The following SDHD variants were observed in gnomAD, a reference collection of about 807,000 sequenced individuals.
The protein encoded by SDHD is succinate dehydrogenase complex subunit D.
SDHD carries 6 observed loss-of-function variants against 18.7 expected under a neutral mutation model. That is an observed-to-expected ratio of 0.32 (90% CI 0.18 to 0.63). The LOEUF is 0.63. SDHD is among the 30% of genes least tolerant of loss of function. The pLI is 0.79. For missense variants in SDHD, 160 were observed against 192.7 expected, an observed-to-expected ratio of 0.83 and a Z score of 1.00; for synonymous variants, 56 against 73.9, an observed-to-expected ratio of 0.76 and a Z score of 1.24.
At chr11:112,089,937 G>A (rs1293319799) in intron 3 of SDHD, among the ~76,000 whole-genome samples, 2 of 149,108 alleles carry the variant, frequency 1.3e-5, no homozygotes, top group East Asian at 3.9e-4. Context: ...GTTTATTCTT[G>A]CCTCTTAAAA....
At chr11:112,089,296 A>G (rs1865702101) in intron 3 of SDHD, among the ~76,000 whole-genome samples, 1 of 152,146 alleles carries the variant, frequency 6.6e-6, no homozygotes, top group South Asian at 2.1e-4. Flanking sequence ...ATCTGAATTA[A>G]TGGCATTTCC....
chr11:112,087,161 T>C (rs1332315072), intron 1 of SDHD, among the ~76,000 whole-genome samples: 11 of 152,210 alleles, frequency 7.2e-5, no homozygotes, highest in Admixed American at 7.2e-4. Context: ...GTTGAGGGAA[T>C]AATCAGAAAG....
chr11:112,091,736 T>C (rs1332389465), intron 3 of SDHD, among the ~76,000 whole-genome samples: 2 of 152,212 alleles, frequency 1.3e-5, no homozygotes, highest in Non-Finnish European at 2.9e-5. Flanking sequence ...CTTTTTGTTC[T>C]TACCCCACTT....
intron 3 of SDHD, 168 bp downstream of exon 3, chr11:112,089,179 A>T: frequency 3.0e-6 from 2 of 671,252 alleles, no homozygotes; most frequent in Non-Finnish European, 2.5e-6. Flanking sequence ...CTGCCTGCCT[A>T]TTCAATGTCT....
intron 2 of SDHD, chr11:112,088,405 G>T: frequency 3.0e-6 from 1 of 334,824 alleles, no homozygotes; most frequent in Non-Finnish European, 5.8e-6. Flanking sequence ...CACCGTGTTG[G>T]CCGGGCTGGT....
In SDHD at chr11:112,095,131, A is replaced by G; in HGVS notation, c.*161A>G. The G allele has an allele frequency of 4.3e-6, 3 of 691,386 alleles. No individual in the cohort carries two copies. The highest frequency in any genetic ancestry group is 7.7e-6 in the Non-Finnish European group (3 of 390,446). 42.8% of individuals were successfully genotyped at this position (691,386 alleles called of 1,614,324 possible). A position where few individuals can be genotyped will look rare whatever the true frequency, so the allele number is the denominator to read the frequency against. ...TATTTTCAGAATTTAATCTTTGAGGAAAAGGTTTGAGAGGAATTATATCTA... is the reference window on the plus strand; with the variant it reads ...TATTTTCAGAATTTAATCTTTGAGGGAAAGGTTTGAGAGGAATTATATCTA... On this transcript the variant is annotated 3_prime_UTR_variant, in exon 4 of 4. Coordinates refer to ENST00000375549, the MANE Select transcript of SDHD (RefSeq NM_003002.4).
intron 3 of SDHD, among the ~76,000 whole-genome samples, chr11:112,093,893 A>G (rs1229021512): frequency 6.6e-6 from 1 of 152,156 alleles, no homozygotes; most frequent in Non-Finnish European, 1.5e-5. Context: ...ATTCACTAGT[A>G]TATTCCATAA....
chr11:112,089,107 C>T (rs1865697160), intron 3 of SDHD, 96 bp downstream of exon 3: 1 of 1,382,744 alleles, frequency 7.2e-7, no homozygotes, highest in Middle Eastern at 1.8e-4. Context: ...GATTGAAATG[C>T]CCTAAATTTG....
chr11:112,088,826 G>T, intron 2 of SDHD, 41 bp from the exon 3 acceptor site: 1 of 1,611,218 alleles, frequency 6.2e-7, no homozygotes, highest in South Asian at 1.1e-5. Flanking sequence ...AAAGATGTGT[G>T]TTTCTCACAT....
intron 3 of SDHD, among the ~76,000 whole-genome samples, 199 bp from the exon 4 acceptor site, chr11:112,094,606 C>A (rs544059739): frequency 2.6e-5 from 4 of 152,034 alleles, no homozygotes; most frequent in Admixed American, 2.0e-4. Context: ...AGAAAAGTCA[C>A]TAGAAATAGA....
chr11:112,092,410 C>T (rs1053333342), intron 3 of SDHD, among the ~76,000 whole-genome samples: 1 of 152,166 alleles, frequency 6.6e-6, no homozygotes, highest in African/African-American at 2.4e-5. Context: ...GCTCTGTCCC[C>T]CACCCACTCT....
At chr11:112,092,366 G>A (rs941122509) in intron 3 of SDHD, among the ~76,000 whole-genome samples, 2 of 152,018 alleles carry the variant, frequency 1.3e-5, no homozygotes, top group African/African-American at 4.8e-5. Context: ...AGGCTACTTC[G>A]GTTGCCTTCT....
chr11:112,088,593 C>T (rs1865674908), intron 2 of SDHD: 2 of 497,528 alleles, frequency 4.0e-6, no homozygotes, highest in Admixed American at 3.2e-5. Context: ...TACAGCAATT[C>T]TGTTTTTTAT....
At chr11:112,093,207 C>G (rs978340919) in intron 3 of SDHD, 1 of 331,982 alleles carries the variant, frequency 3.0e-6, no homozygotes. Flanking sequence ...GCTGGCATTA[C>G]AGGCATGTGC....
chr11:112,094,449 C>T (rs944758923), intron 3 of SDHD, among the ~76,000 whole-genome samples: 16 of 151,168 alleles, frequency 1.1e-4, no homozygotes, highest in African/African-American at 1.7e-4. Flanking sequence ...AACAATTAGC[C>T]GGGCATGGAG....
chr11:112,086,999 C>A, intron 1 of SDHD, 40 bp downstream of exon 1: 1 of 1,611,088 alleles, frequency 6.2e-7, no homozygotes, highest in Non-Finnish European at 8.5e-7. Context: ...AGCGTAGCCT[C>A]CAGCCAGGGA....
chr11:112,090,005 T>C (rs544947174), intron 3 of SDHD, among the ~76,000 whole-genome samples: 1 of 152,332 alleles, frequency 6.6e-6, no homozygotes, highest in African/African-American at 2.4e-5. Context: ...ATTTGTTTGC[T>C]GTTGTGCCTC....
chr11:112,092,028 A>G, intron 3 of SDHD, among the ~76,000 whole-genome samples: 1 of 152,156 alleles, frequency 6.6e-6, no homozygotes, highest in Non-Finnish European at 1.5e-5. Context: ...AGATCGTGCC[A>G]CTGCACTCCA....
intron 3 of SDHD, among the ~76,000 whole-genome samples, chr11:112,090,625 C>T (rs774901095): frequency 2.0e-5 from 3 of 152,020 alleles, no homozygotes; most frequent in Non-Finnish European, 4.4e-5. Flanking sequence ...TTTTATTTTA[C>T]AGATTTGGAA....
Sources: allele counts gnomAD v4.1 joint callset (sites outside exome capture counted in the v4.1 genomes callset), GRCh38; gene constraint gnomAD v4.1.1; transcripts MANE v1.5; gene names NCBI Gene and HGNC (gene_info 2026-07-23, HGNC 2026-07-21).